Variants in ANKRD17 observed in about 807,000 individuals in gnomAD.
ANKRD17 encodes ankyrin repeat domain 17.
Under a neutral mutation model 229.7 loss-of-function variants are expected in ANKRD17, and 19 were observed. The ratio of observed to expected loss-of-function variants is 0.08; its 90% CI spans 0.06 to 0.12. The LOEUF is 0.12. Among genes scored for constraint, ANKRD17 ranks in the 10% least tolerant of loss-of-function variants. The pLI, the probability that ANKRD17 is intolerant of heterozygous loss-of-function variation, is 1.00. For synonymous variants in ANKRD17, 1,112 were observed against 1,146.1 expected, an observed-to-expected ratio of 0.97 and a Z score of 0.60; for missense variants, 2,176 against 3,176.8, an observed-to-expected ratio of 0.68 and a Z score of 7.57.
chr4:73,160,916 C>T lies in ANKRD17; in HGVS notation c.704+276G>A, dbSNP rs373072499. Among the ~76,000 whole-genome samples, 8 of 152,350 alleles carry T rather than the reference C, an allele frequency of 5.3e-5. 1 individual carries two copies. The East Asian group carries it at 1.4e-3, about 26-fold the overall frequency. On this transcript the variant is annotated intron_variant, in intron 3 of 33. Coordinates refer to ENST00000358602, the MANE Select transcript of ANKRD17 (RefSeq NM_032217.5). The stretch of plus-strand genomic sequence containing the variant: ...TTTTATAACATATTGACTAGGCCAT[C>T]AGCCTTGCAGTCGGAAAGACACTGG...
chr4:73,124,989 C>A lies in ANKRD17; in HGVS notation c.3416G>T (p.Gly1139Val). The A allele has an allele frequency of 1.2e-6, 2 of 1,614,138 alleles. No individual in the cohort carries two copies. Among genetic ancestry groups the A allele is most frequent in the African/African-American group, 1.3e-5 (1 of 75,028 alleles). ...TTCAGACTGGGCTTCAATGTCTGCA[C>A]CATTGTCCAGCAATATTTCCACAAC... is the stretch of plus-strand genomic sequence containing the variant. ...VGVVEILLDN[G>V]ADIEAQSERT... is the part of the protein sequence containing the mutation. The change falls in exon 18 of 34, where the codon GGT (glycine) becomes GTT (valine). Residue 1139 changes from glycine (G) to valine (V), a missense_variant. By Grantham distance (109) the Gly-to-Val change is moderately radical. Coordinates refer to ENST00000358602, the MANE Select transcript of ANKRD17 (RefSeq NM_032217.5).
intron 3 of ANKRD17, among the ~76,000 whole-genome samples, chr4:73,158,188 G>GAAAGAAAGAAAGAA (rs779505092): frequency 6.0e-4 from 26 of 43,456 alleles, no homozygotes; most frequent in Admixed American, 4.0e-3. Context: ...AAGAAAGAAA[G>GAAAGAAAGAAAGAA]AGAGAGAAAG....
At chr4:73,199,310 A>G (rs1334118373) in intron 1 of ANKRD17, among the ~76,000 whole-genome samples, 2 of 152,028 alleles carry the variant, frequency 1.3e-5, no homozygotes, top group African/African-American at 2.4e-5. Flanking sequence ...AAAAGGAGGG[A>G]AAAAAAGCCA....
intron 1 of ANKRD17, among the ~76,000 whole-genome samples, chr4:73,187,576 G>A (rs1419381544): frequency 6.6e-6 from 1 of 152,092 alleles, no homozygotes; most frequent in Non-Finnish European, 1.5e-5. Flanking sequence ...GTAACCAATG[G>A]AATCCTCTAG....
At chr4:73,128,544 A>T (rs1366529751) in intron 16 of ANKRD17, among the ~76,000 whole-genome samples, 1 of 152,232 alleles carries the variant, frequency 6.6e-6, no homozygotes, top group Non-Finnish European at 1.5e-5. Context: ...CAATATTATA[A>T]AACATAAATT....
chr4:73,163,584 G>T (rs898768398), intron 2 of ANKRD17, among the ~76,000 whole-genome samples: 1 of 152,186 alleles, frequency 6.6e-6, no homozygotes, highest in Admixed American at 6.5e-5. Flanking sequence ...ACAGTGAAAG[G>T]TGTTCAATAA....
chr4:73,196,721 T>C (rs1737935061), intron 1 of ANKRD17, among the ~76,000 whole-genome samples: 1 of 152,122 alleles, frequency 6.6e-6, no homozygotes, highest in Non-Finnish European at 1.5e-5. Context: ...GCACCTACAG[T>C]GTTATTGGAT....
intron 1 of ANKRD17, among the ~76,000 whole-genome samples, chr4:73,221,514 T>C (rs1293675916): frequency 6.6e-6 from 1 of 152,052 alleles, no homozygotes; most frequent in Non-Finnish European, 1.5e-5. Flanking sequence ...TTCTTTAAAA[T>C]CCAAACCAAA....
chr4:73,161,115 T>C, intron 3 of ANKRD17, 77 bp downstream of exon 3: 2 of 1,531,014 alleles, frequency 1.3e-6, no homozygotes, highest in Non-Finnish European at 1.8e-6. Flanking sequence ...ACAAAATAAA[T>C]GCTCAGTAAA....
At chr4:73,080,586 G>T (rs898719085) in intron 30 of ANKRD17, 2 of 151,970 alleles carry the variant, frequency 1.3e-5, no homozygotes, top group Non-Finnish European at 2.9e-5. Flanking sequence ...ATATTGAAAG[G>T]CCACACCTAA....
At chr4:73,151,020 T>C (rs1024088724) in intron 7 of ANKRD17, among the ~76,000 whole-genome samples, 1 of 152,210 alleles carries the variant, frequency 6.6e-6, no homozygotes, top group Admixed American at 6.5e-5. Flanking sequence ...TTTCCTTTTT[T>C]CTTTTTTTAA....
At position 73,146,865 on chromosome 4, in the gene ANKRD17, C is replaced by A; in HGVS notation, c.1768G>T (p.Val590Phe). The A allele has an allele frequency of 6.2e-7, 1 of 1,611,418 alleles. No homozygotes were observed. The highest frequency in any genetic ancestry group is 8.5e-7 in the Non-Finnish European group (1 of 1,178,202). The change falls in exon 10 of 34, where the codon GTT becomes TTT. Residue 590 changes from valine (V) to phenylalanine (F), a missense_variant. Physicochemically the swap from Val to Phe is conservative, Grantham distance 50. Around this residue, in one of 18 missense-constraint regions of ANKRD17, gnomAD observed 275 missense variants for 386.9 expected, o/e 0.71. Coordinates refer to ENST00000358602, the MANE Select transcript of ANKRD17 (RefSeq NM_032217.5). ...VKYLLAAGAN[V>F]HATTATGDTA... is the part of the protein sequence containing the mutation. ...TCCCCTGTTGCTGTTGTTGCATGAACGTTAGCTCCTGTAGTAGTCAACAAA... is the reference window on the plus strand; with the variant it reads ...TCCCCTGTTGCTGTTGTTGCATGAAAGTTAGCTCCTGTAGTAGTCAACAAA...
chr4:73,215,377 A>G (rs1049263910), intron 1 of ANKRD17, among the ~76,000 whole-genome samples: 1 of 151,902 alleles, frequency 6.6e-6, no homozygotes, highest in Non-Finnish European at 1.5e-5. Context: ...CTCCTGCCTC[A>G]GCCTGCCGAG....
chr4:73,114,729 G>A (rs1725728945), intron 23 of ANKRD17, among the ~76,000 whole-genome samples: 1 of 152,116 alleles, frequency 6.6e-6, no homozygotes, highest in Admixed American at 6.5e-5. Flanking sequence ...TAATTGTCAT[G>A]GACAAGTCTA....
intron 1 of ANKRD17, among the ~76,000 whole-genome samples, chr4:73,255,758 T>C (rs1036248982): frequency 6.6e-6 from 1 of 152,118 alleles, no homozygotes; most frequent in Admixed American, 6.5e-5. Context: ...AGTCTCGTTC[T>C]TGTTGCCCAG....
chr4:73,231,995 T>C (rs1353231819), intron 1 of ANKRD17, among the ~76,000 whole-genome samples: 1 of 152,220 alleles, frequency 6.6e-6, no homozygotes, highest in African/African-American at 2.4e-5. Flanking sequence ...CCTATGCATC[T>C]CTTCAGCTGT....
At chr4:73,224,703 A>G (rs1742283232) in intron 1 of ANKRD17, among the ~76,000 whole-genome samples, 1 of 152,194 alleles carries the variant, frequency 6.6e-6, no homozygotes, top group South Asian at 2.1e-4. Flanking sequence ...AGTAATCCTA[A>G]AACATATTAT....
chr4:73,180,985 A>T (rs990088185), intron 1 of ANKRD17, among the ~76,000 whole-genome samples: 6 of 152,150 alleles, frequency 3.9e-5, no homozygotes, highest in African/African-American at 1.4e-4. Flanking sequence ...AATGTGTCTA[A>T]CTCACTGTCA....
At chr4:73,220,279 T>C (rs1741673907) in intron 1 of ANKRD17, among the ~76,000 whole-genome samples, 1 of 152,232 alleles carries the variant, frequency 6.6e-6, no homozygotes, top group East Asian at 1.9e-4. Context: ...ATGGCTACTT[T>C]CCTGAGTATT....
Sources: allele counts gnomAD v4.1 joint callset (sites outside exome capture counted in the v4.1 genomes callset), GRCh38; gene constraint gnomAD v4.1.1; regional missense constraint gnomAD v4.1.1; transcripts MANE v1.5; gene names NCBI Gene and HGNC (gene_info 2026-07-23, HGNC 2026-07-21).